Variants in TENM3 observed in about 807,000 individuals in gnomAD.
The protein encoded by TENM3 is teneurin-3.
A neutral mutation model predicts 255.1 loss-of-function variants in TENM3; 63 were observed. That is an observed-to-expected ratio of 0.25 (90% CI 0.20 to 0.30). TENM3 has a LOEUF of 0.30. Ranked by LOEUF, TENM3 falls within the 10% of genes least tolerant of loss-of-function variation. TENM3 has a pLI of 1.00. For synonymous variants in TENM3, 1,306 were observed against 1,322.3 expected, an observed-to-expected ratio of 0.99 and a Z score of 0.27; for missense variants, 2,929 against 3,461.1, an observed-to-expected ratio of 0.85 and a Z score of 3.86.
chr4:182,230,168 G>T (rs1165032602), intron 1 of TENM3, among the ~76,000 whole-genome samples: 1 of 150,948 alleles, frequency 6.6e-6, no homozygotes, highest in East Asian at 2.0e-4. Flanking sequence ...AGACTGAGGT[G>T]AAGAACACAG....
chr4:182,025,153 C>G, the TENM3 span, among the ~76,000 whole-genome samples: 1 of 151,926 alleles, frequency 6.6e-6, no homozygotes, highest in Non-Finnish European at 1.5e-5. Context: ...CTCAGCCTCC[C>G]CAGTAGCTGG....
At chr4:182,464,622 A>C (rs1732414336) in intron 3 of TENM3, among the ~76,000 whole-genome samples, 1 of 152,244 alleles carries the variant, frequency 6.6e-6, no homozygotes, top group South Asian at 2.1e-4. Context: ...TTTATATTAA[A>C]TATGACAGTA....
the TENM3 span, among the ~76,000 whole-genome samples, chr4:181,498,462 A>C: frequency 9.2e-6 from 1 of 108,502 alleles, no homozygotes; most frequent in South Asian, 3.2e-4. Context: ...TGCTCCCAGA[A>C]AAAAAGGCAT....
chr4:182,431,056 CAAAT>C (rs1174392944), intron 3 of TENM3, among the ~76,000 whole-genome samples: 3 of 121,302 alleles, frequency 2.5e-5, no homozygotes, highest in East Asian at 2.8e-4. Context: ...AACAAACAAA[CAAAT>C]AAATAACTGA....
chr4:181,691,125 T>C, the TENM3 span, among the ~76,000 whole-genome samples: 2 of 152,180 alleles, frequency 1.3e-5, no homozygotes, highest in Non-Finnish European at 2.9e-5. Context: ...AAAATTATTT[T>C]AGTTTAAATA....
At chr4:182,426,254 G>T (rs1034717327) in intron 3 of TENM3, among the ~76,000 whole-genome samples, 1 of 151,902 alleles carries the variant, frequency 6.6e-6, no homozygotes, top group Non-Finnish European at 1.5e-5. Flanking sequence ...TGGTTGCGTG[G>T]GTAGCTCCTT....
At chr4:182,432,416 A>G (rs547913509) in intron 3 of TENM3, among the ~76,000 whole-genome samples, 3 of 152,208 alleles carry the variant, frequency 2.0e-5, no homozygotes, top group Non-Finnish European at 4.4e-5. Flanking sequence ...TATATGTTAA[A>G]TGCTTTGCAT....
the TENM3 span, among the ~76,000 whole-genome samples, chr4:181,671,611 A>G: frequency 1.3e-5 from 2 of 152,192 alleles, no homozygotes; most frequent in African/African-American, 4.8e-5. Flanking sequence ...TTGGTGCTCG[A>G]CGTACATTAT....
intron 1 of TENM3, among the ~76,000 whole-genome samples, chr4:182,258,216 C>A (rs534024968): frequency 6.6e-6 from 1 of 152,154 alleles, no homozygotes; most frequent in Non-Finnish European, 1.5e-5. Flanking sequence ...CCTACTATAT[C>A]TATTTTTCTC....
chr4:181,631,572 G>T, the TENM3 span, among the ~76,000 whole-genome samples: 1 of 152,166 alleles, frequency 6.6e-6, no homozygotes, highest in Non-Finnish European at 1.5e-5. Context: ...TTACAGGCAT[G>T]AGCCACTGTG....
the TENM3 span, among the ~76,000 whole-genome samples, chr4:181,688,714 G>C: frequency 6.6e-6 from 1 of 152,170 alleles, no homozygotes; most frequent in Non-Finnish European, 1.5e-5. Flanking sequence ...CTGCCACAGA[G>C]TATCTGTGTA....
At chr4:182,206,429 G>A (rs1003168587) in intron 1 of TENM3, among the ~76,000 whole-genome samples, 1 of 152,316 alleles carries the variant, frequency 6.6e-6, no homozygotes, top group East Asian at 1.9e-4. Context: ...GCTGCTGATG[G>A]ATTCACGAGA....
At chr4:182,222,920 A>C (rs1057352053) in intron 1 of TENM3, among the ~76,000 whole-genome samples, 2 of 152,096 alleles carry the variant, frequency 1.3e-5, no homozygotes, top group Non-Finnish European at 2.9e-5. Context: ...TCCCTAAGAG[A>C]GCCTCTGAAT....
At chr4:182,250,743 G>C (rs1343764420) in intron 1 of TENM3, among the ~76,000 whole-genome samples, 1 of 152,146 alleles carries the variant, frequency 6.6e-6, no homozygotes, top group East Asian at 1.9e-4. Context: ...GGTTAATGAA[G>C]ATTTAATATT....
chr4:181,605,452 AAG>A, the TENM3 span, among the ~76,000 whole-genome samples: 54,349 of 100,054 alleles, frequency 0.54, 16,574 homozygotes, highest in Non-Finnish European at 0.61. Flanking sequence ...AAAAGAAAGA[AAG>A]AGAGAGAGAG....
chr4:181,608,963 A>G, the TENM3 span, among the ~76,000 whole-genome samples: 1 of 152,192 alleles, frequency 6.6e-6, no homozygotes, highest in Non-Finnish European at 1.5e-5. Flanking sequence ...GACGAAAATC[A>G]CACAAGCAAC....
At chr4:181,682,573 G>A in the TENM3 span, among the ~76,000 whole-genome samples, 2 of 152,098 alleles carry the variant, frequency 1.3e-5, no homozygotes, top group African/African-American at 4.8e-5. Flanking sequence ...AAATAACATT[G>A]TCAAGATGGG....
At chr4:182,633,601 C>T (rs552980738) in intron 5 of TENM3, among the ~76,000 whole-genome samples, 2 of 152,204 alleles carry the variant, frequency 1.3e-5, no homozygotes, top group African/African-American at 2.4e-5. Flanking sequence ...AGGAGAAATG[C>T]GAAATATCTG....
chr4:182,245,021 G>A (rs963510059), intron 1 of TENM3, among the ~76,000 whole-genome samples: 2 of 152,048 alleles, frequency 1.3e-5, no homozygotes, highest in African/African-American at 4.8e-5. Context: ...ATACTTTCTA[G>A]TGTTTTGGGA....
Sources: gnomAD v4.1 joint callset for allele counts (sites outside exome capture counted in the v4.1 genomes callset) on GRCh38, gnomAD v4.1.1 for gene constraint, MANE v1.5 for transcripts, NCBI Gene and HGNC (gene_info 2026-07-23, HGNC 2026-07-21) for gene names.